Variants in LDB3 observed in about 807,000 individuals in gnomAD.
LDB3 encodes LIM domain binding 3.
A neutral mutation model predicts 69.0 loss-of-function variants in LDB3; 49 were observed. That is an observed-to-expected ratio of 0.71 (90% CI 0.56 to 0.90). The LOEUF (loss-of-function observed/expected upper bound fraction) is 0.90, where lower values mean the gene tolerates loss of function less well. Among genes scored for constraint, LDB3 ranks in the 40% least tolerant of loss-of-function variants. LDB3 has a pLI of 0.00. For synonymous variants in LDB3, 387 were observed against 396.2 expected (o/e 0.98, Z 0.28); for missense variants, 928 against 974.1 (o/e 0.95, Z 0.63).
chr10:86,698,521 T>C (rs921852261), intron 7 of LDB3, among the ~76,000 whole-genome samples: 3 of 152,168 alleles, frequency 2.0e-5, no homozygotes, highest in African/African-American at 7.2e-5. Flanking sequence ...CCCACGTTTC[T>C]GACTGCTGCT....
intron 5 of LDB3, chr10:86,685,812 A>C: frequency 7.9e-7 from 1 of 1,258,344 alleles, no homozygotes; most frequent in Non-Finnish European, 1.2e-6. Flanking sequence ...ATGTATGTGC[A>C]TATGTATGAG....
chr10:86,693,753 A>G (rs2132421939), intron 7 of LDB3, among the ~76,000 whole-genome samples: 1 of 152,358 alleles, frequency 6.6e-6, no homozygotes, highest in African/African-American at 2.4e-5. Flanking sequence ...TTTAAGTGCC[A>G]GAGCTCTCAG....
At chr10:86,695,451 A>C (rs1845954972) in intron 7 of LDB3, among the ~76,000 whole-genome samples, 1 of 152,190 alleles carries the variant, frequency 6.6e-6, no homozygotes, top group African/African-American at 2.4e-5. Context: ...CCCAAGACAG[A>C]GTCTAATTTC....
At chr10:86,722,271 T>C (rs560694855) in intron 12 of LDB3, among the ~76,000 whole-genome samples, 159 of 152,230 alleles carry the variant, frequency 1.0e-3, no homozygotes, top group Non-Finnish European at 1.9e-3. Context: ...TTGTTTTGTT[T>C]TGTTTTTGAG....
intron 5 of LDB3, among the ~76,000 whole-genome samples, chr10:86,688,946 A>G (rs1022835272): frequency 6.6e-6 from 1 of 151,538 alleles, no homozygotes; most frequent in African/African-American, 2.4e-5. Flanking sequence ...GTCCCCTCCC[A>G]TCCCCTCCCT....
At chr10:86,719,705 A>G (rs1265953448) in intron 12 of LDB3, among the ~76,000 whole-genome samples, 1 of 152,228 alleles carries the variant, frequency 6.6e-6, no homozygotes, top group Non-Finnish European at 1.5e-5. Flanking sequence ...TATTTATCAG[A>G]CTTTGATGTT....
At chr10:86,701,097 C>T (rs1199405747) in intron 7 of LDB3, among the ~76,000 whole-genome samples, 1 of 152,218 alleles carries the variant, frequency 6.6e-6, no homozygotes, top group East Asian at 1.9e-4. Flanking sequence ...TCCCTAAAGC[C>T]CCCTGCCAAC....
chr10:86,692,515 C>T lies in LDB3; in HGVS notation c.860-20C>T, dbSNP rs546250890. The T allele has an allele frequency of 5.6e-6, 9 of 1,613,938 alleles. No homozygotes were observed. The highest frequency in any genetic ancestry group is 1.1e-5 in the South Asian group (1 of 91,078). On this transcript the variant is annotated intron_variant, in intron 6 of 13. Transcript: ENST00000361373. Reference sequence around the variant, plus strand: ...CTGTGTCTCCCGTGAGTCCCCTGACCAGCTCCTTTCTACCAACAGTGCAAG... The same window carrying T: ...CTGTGTCTCCCGTGAGTCCCCTGACTAGCTCCTTTCTACCAACAGTGCAAG...
intron 5 of LDB3, among the ~76,000 whole-genome samples, chr10:86,689,674 C>A (rs1845669364): frequency 6.6e-6 from 1 of 152,190 alleles, no homozygotes; most frequent in Non-Finnish European, 1.5e-5. Context: ...GACAAGGTAA[C>A]CTCTTGGAGG....
In LDB3 at chr10:86,690,029, C is replaced by A. The variant is rs183657577; in HGVS notation, c.690-1867C>A. Among the ~76,000 whole-genome samples the A allele has an allele frequency of 1.3e-3, 198 of 152,252 alleles. 1 individual carries two copies. Among genetic ancestry groups the A allele is most frequent in the Non-Finnish European group, 3.8e-4 (26 of 68,014 alleles). ...GCAACAAGAGTCCCTGGTCTTTGCACGGGGTTGTGGGAAATGAAGCCAGAA... is the reference window on the plus strand; with the variant it reads ...GCAACAAGAGTCCCTGGTCTTTGCAAGGGGTTGTGGGAAATGAAGCCAGAA... On this transcript the variant is annotated intron_variant, in intron 5 of 13. Coordinates refer to ENST00000361373, the MANE Select transcript of LDB3 (RefSeq NM_007078.3).
intron 6 of LDB3, 137 bp downstream of exon 6, chr10:86,692,202 TG>T: frequency 9.6e-7 from 1 of 1,046,694 alleles, no homozygotes. Context: ...GGTTTGTCAG[TG>T]GCTGGCAGGG....
intron 2 of LDB3, among the ~76,000 whole-genome samples, chr10:86,669,900 G>T (rs1844365827): frequency 6.6e-6 from 1 of 152,214 alleles, no homozygotes; most frequent in African/African-American, 2.4e-5. Context: ...GACTTGCCTT[G>T]GGCCTGGGGG....
intron 5 of LDB3, among the ~76,000 whole-genome samples, chr10:86,686,091 C>T (rs146470283): frequency 1.3e-5 from 2 of 152,200 alleles, no homozygotes; most frequent in South Asian, 2.1e-4. Context: ...CTTGTCTGCC[C>T]GGGGAGCGCA....
intron 13 of LDB3, among the ~76,000 whole-genome samples, chr10:86,729,164 T>TC (rs1324605335): frequency 1.3e-5 from 2 of 152,168 alleles, no homozygotes; most frequent in Admixed American, 6.5e-5. Flanking sequence ...ACAAGAGTGT[T>TC]CCAGAACAAG....
rs746803572 is a variant in LDB3, at chr10:86,679,351, T to G, written c.94-16T>G. On this transcript the variant is annotated splice_polypyrimidine_tract_variant and intron_variant, in intron 2 of 13. Transcript: ENST00000361373. ...ACCTTCCTTATGCTCACCCCCCACC[T>G]CCACTATCCAATCAGATCACACCAG... 6.2e-7 allele frequency: 1 copy of G among 1,613,980 alleles called. No homozygotes were observed. Among genetic ancestry groups the G allele is most frequent in the Admixed American group, 1.7e-5 (1 of 60,012 alleles).
At chr10:86,720,758 A>T (rs998739111) in intron 12 of LDB3, among the ~76,000 whole-genome samples, 4 of 152,182 alleles carry the variant, frequency 2.6e-5, no homozygotes, top group Admixed American at 6.5e-5. Flanking sequence ...ATAGATTTCC[A>T]TTATCACTGC....
chr10:86,728,880 G>A (rs114961017), intron 13 of LDB3, among the ~76,000 whole-genome samples: 1,810 of 151,828 alleles, frequency 0.012, 33 homozygotes, highest in African/African-American at 0.035. Context: ...ACACCCAGCC[G>A]GAACATGGTC....
chr10:86,726,545 G>A (rs1241140454), intron 13 of LDB3: 2 of 446,790 alleles, frequency 4.5e-6, no homozygotes, highest in Non-Finnish European at 8.3e-6. Context: ...GTTGTCAGCG[G>A]GCAAAAGCAG....
chr10:86,726,389 C>G, intron 13 of LDB3, 137 bp downstream of exon 13: 1 of 715,648 alleles, frequency 1.4e-6, no homozygotes, highest in South Asian at 1.5e-5. Flanking sequence ...TGGCAAACAC[C>G]ATGATGCCTC....
Sources: allele counts gnomAD v4.1 joint callset (sites outside exome capture counted in the v4.1 genomes callset), GRCh38; gene constraint gnomAD v4.1.1; transcripts MANE v1.5; gene names NCBI Gene and HGNC (gene_info 2026-07-23, HGNC 2026-07-21).